The following ATP8B4 variants were observed in gnomAD, a reference collection of about 807,000 sequenced individuals.
ATP8B4 encodes ATPase phospholipid transporting 8B4 (putative).
Under a neutral mutation model 145.6 loss-of-function variants are expected in ATP8B4, and 133 were observed. The ratio of observed to expected loss-of-function variants is 0.91; its 90% CI spans 0.79 to 1.05. ATP8B4 has a LOEUF of 1.05. ATP8B4 is among the 50% of genes least tolerant of loss of function. The pLI, the probability that ATP8B4 is intolerant of heterozygous loss-of-function variation, is 0.00. For synonymous variants in ATP8B4, 507 were observed against 492.9 expected (o/e 1.03, Z -0.38); for missense variants, 1,458 against 1,425.2 (o/e 1.02, Z -0.37).
At chr15:50,112,080 C>T (rs934127219) in intron 1 of ATP8B4, among the ~76,000 whole-genome samples, 14 of 151,974 alleles carry the variant, frequency 9.2e-5, no homozygotes, top group African/African-American at 3.4e-4. Context: ...CAGTGAGGAG[C>T]TAGAGGGCAT....
intron 12 of ATP8B4, among the ~76,000 whole-genome samples, chr15:49,978,026 G>A (rs1413226047): frequency 6.6e-6 from 1 of 151,124 alleles, no homozygotes; most frequent in Admixed American, 6.6e-5. Flanking sequence ...CACATTAGAA[G>A]TATAAGGAAT....
chr15:49,991,466 T>G (rs997998769), intron 9 of ATP8B4, among the ~76,000 whole-genome samples: 2 of 152,186 alleles, frequency 1.3e-5, no homozygotes, highest in Non-Finnish European at 2.9e-5. Context: ...ATGTCCAGTT[T>G]ACATAATAAT....
chr15:50,144,056 T>C (rs1220948641), intron 1 of ATP8B4, among the ~76,000 whole-genome samples: 4 of 152,188 alleles, frequency 2.6e-5, no homozygotes, highest in Admixed American at 6.5e-5. Flanking sequence ...CCCTGGAAGC[T>C]GAGCCAATTC....
chr15:49,870,105 T>A (rs952885056), intron 25 of ATP8B4, among the ~76,000 whole-genome samples: 21 of 152,206 alleles, frequency 1.4e-4, no homozygotes, highest in Non-Finnish European at 2.6e-4. Context: ...AGAAACATCT[T>A]GTATGTTTAT....
At chr15:50,163,731 C>T (rs985254447) in intron 1 of ATP8B4, among the ~76,000 whole-genome samples, 5 of 152,208 alleles carry the variant, frequency 3.3e-5, no homozygotes, top group Non-Finnish European at 7.3e-5. Context: ...ACAAGATCCC[C>T]CTAGCCCTCA....
At chr15:49,978,815 GGT>G (rs60135914) in intron 12 of ATP8B4, among the ~76,000 whole-genome samples, 116 of 145,276 alleles carry the variant, frequency 8.0e-4, no homozygotes, top group African/African-American at 2.5e-3. Context: ...AATAAAGAGG[GGT>G]GTGTGTGTGT....
rs2040152596 is a variant in ATP8B4 at position 49,920,414 on chromosome 15, C to G, written c.1759-4G>C. On this transcript the variant is annotated splice_region_variant and splice_polypyrimidine_tract_variant and intron_variant, in intron 17 of 27. Coordinates refer to ENST00000284509, the MANE Select transcript of ATP8B4 (RefSeq NM_024837.4). ...GAAGGCCTTCCCCTGCAAATTCCTG[C>G]CAGAGATGACATAGACTCATGAACC... 6.2e-6 allele frequency: 10 copies of G among 1,610,908 alleles called. No individual in the cohort carries two copies. Among genetic ancestry groups the G allele is most frequent in the Non-Finnish European group, 8.5e-6 (10 of 1,178,612 alleles).
At chr15:50,135,136 C>A (rs1053986695) in intron 1 of ATP8B4, among the ~76,000 whole-genome samples, 2 of 152,184 alleles carry the variant, frequency 1.3e-5, no homozygotes, top group African/African-American at 4.8e-5. Flanking sequence ...TGTCCCCAGT[C>A]CTTTAGTCCT....
chr15:49,980,379 T>G (rs2046048884), intron 11 of ATP8B4, among the ~76,000 whole-genome samples: 1 of 152,148 alleles, frequency 6.6e-6, no homozygotes, highest in Non-Finnish European at 1.5e-5. Flanking sequence ...GAAGTCACAG[T>G]CTTTATATTT....
intron 1 of ATP8B4, among the ~76,000 whole-genome samples, chr15:50,116,738 T>C (rs911025416): frequency 6.6e-6 from 1 of 151,866 alleles, no homozygotes; most frequent in African/African-American, 2.4e-5. Context: ...CTGTGACCTT[T>C]TCCCCTAGGC....
At position 49,947,126 on chromosome 15, in the gene ATP8B4, A is replaced by T. The variant is rs193184040; in HGVS notation, c.1288-12944T>A. Among the ~76,000 whole-genome samples the T allele has an allele frequency of 8.7e-4, 133 of 152,250 alleles. 1 individual carries two copies. The highest frequency in any genetic ancestry group is 3.1e-3 in the African/African-American group (127 of 41,544). The stretch of plus-strand genomic sequence containing the variant: ...CTGGGGGCTCTCAAAACCCTTGCAC[A>T]CTGAAAATTAGAAAACATTGATGAG... On this transcript the variant is annotated intron_variant, in intron 14 of 27. Transcript: ENST00000284509.
chr15:50,169,992 T>C (rs1384258605), intron 1 of ATP8B4, among the ~76,000 whole-genome samples: 1 of 151,910 alleles, frequency 6.6e-6, no homozygotes, highest in Non-Finnish European at 1.5e-5. Flanking sequence ...AGAAAAAGAT[T>C]AAGACAATAT....
Position 49,978,739 on chromosome 15 carries a change from TACACACACACAC to T in ATP8B4, c.1034+866_1034+877del, listed in dbSNP as rs60436585. The stretch of plus-strand genomic sequence containing the variant: ...GGGCCAATTTCTAAGCTTTATCAAA[TACACACACACAC>T]ACACACACACACACACACACACACA... On this transcript the variant is annotated intron_variant, in intron 12 of 27. Transcript: ENST00000284509. Among the ~76,000 whole-genome samples, 491 of 122,842 alleles carry T rather than the reference TACACACACACAC, an allele frequency of 4.0e-3. 3 individuals are homozygous for T. Among genetic ancestry groups the T allele is most frequent in the African/African-American group, 0.012 (397 of 32,430 alleles). The allele number at this position is 122,842 out of a possible 152,430, so 80.6% of individuals were successfully genotyped here.
At position 50,027,379 on chromosome 15, in the gene ATP8B4, GTGGA is replaced by G. The variant is rs56814126; in HGVS notation, c.362+11385_362+11388del. Among the ~76,000 whole-genome samples, 758 of 149,022 alleles carry G rather than the reference GTGGA, an allele frequency of 5.1e-3. 6 individuals are homozygous for G. Among genetic ancestry groups the G allele is most frequent in the African/African-American group, 0.018 (714 of 39,922 alleles). On this transcript the variant is annotated intron_variant, in intron 6 of 27. Transcript: ENST00000284509. Reference sequence around the variant, plus strand: ...TGTTATTTAAATATGGGATGGATGGGTGGATGGATGGATGGATGGATGGATGGAT... The same window carrying G: ...TGTTATTTAAATATGGGATGGATGGGTGGATGGATGGATGGATGGATGGAT...
intron 7 of ATP8B4, 53 bp downstream of exon 7, chr15:50,010,792 A>AAGTAT: frequency 8.2e-7 from 1 of 1,212,892 alleles, no homozygotes; most frequent in African/African-American, 1.6e-5. Context: ...ATACTTCCAT[A>AAGTAT]TATATGCTAC....
intron 1 of ATP8B4, chr15:50,114,582 T>C (rs1427601790): frequency 6.6e-6 from 1 of 152,472 alleles, no homozygotes; most frequent in East Asian, 1.9e-4. Context: ...ACTTCCCTAT[T>C]GCTCCACCAG....
At chr15:49,986,494 G>A (rs12101586) in intron 10 of ATP8B4, among the ~76,000 whole-genome samples, 61,085 of 152,042 alleles carry the variant, frequency 0.4, 13,903 homozygotes, top group African/African-American at 0.64. Context: ...TGCCCCAAGC[G>A]GCAAGAGCAC....
At chr15:50,051,054 T>A (rs1443408892) in intron 3 of ATP8B4, among the ~76,000 whole-genome samples, 1 of 152,188 alleles carries the variant, frequency 6.6e-6, no homozygotes, top group Non-Finnish European at 1.5e-5. Context: ...CCAAATCTCA[T>A]CTTGAATTGT....
chr15:49,988,816 A>T (rs1362865378), intron 9 of ATP8B4, among the ~76,000 whole-genome samples: 1 of 152,078 alleles, frequency 6.6e-6, no homozygotes, highest in Non-Finnish European at 1.5e-5. Context: ...TCCCTTTAAA[A>T]CTACTAAACA....
Sources: gnomAD v4.1 joint callset for allele counts (sites outside exome capture counted in the v4.1 genomes callset) on GRCh38, gnomAD v4.1.1 for gene constraint, MANE v1.5 for transcripts, NCBI Gene and HGNC (gene_info 2026-07-23, HGNC 2026-07-21) for gene names.